NAALADL2: variants seen among roughly 807,000 people sequenced by gnomAD.
The protein encoded by NAALADL2 is N-acetylated alpha-linked acidic dipeptidase like 2.
NAALADL2 carries 76 observed loss-of-function variants against 87.2 expected under a neutral mutation model. That is an observed-to-expected ratio of 0.87 (90% CI 0.72 to 1.05). The LOEUF is 1.05. Among genes scored for constraint, NAALADL2 ranks in the 50% least tolerant of loss-of-function variants. The pLI is 0.00. For missense variants in NAALADL2, 1,089 were observed against 945.8 expected (o/e 1.15, Z -1.99); for synonymous variants, 354 against 331.0 (o/e 1.07, Z -0.75).
intron 2 of NAALADL2, among the ~76,000 whole-genome samples, chr3:175,162,861 A>C (rs1733440199): frequency 6.6e-6 from 1 of 152,118 alleles, no homozygotes; most frequent in Non-Finnish European, 1.5e-5. Flanking sequence ...TTTTGAATCA[A>C]ATATTTGTGT....
chr3:174,909,770 A>C (rs755637287), intron 1 of NAALADL2, among the ~76,000 whole-genome samples: 1 of 152,162 alleles, frequency 6.6e-6, no homozygotes, highest in South Asian at 2.1e-4. Flanking sequence ...ATGAGATAGA[A>C]GCTGTAAAAC....
intron 9 of NAALADL2, among the ~76,000 whole-genome samples, chr3:175,481,316 G>T: frequency 6.7e-6 from 1 of 149,176 alleles, no homozygotes; most frequent in African/African-American, 2.5e-5. Context: ...AGATTTCTTT[G>T]TCATTACTAA....
chr3:175,168,851 A>T (rs1387603841), intron 2 of NAALADL2, among the ~76,000 whole-genome samples: 4 of 151,850 alleles, frequency 2.6e-5, no homozygotes, highest in African/African-American at 9.7e-5. Context: ...TCAGACCCAC[A>T]CAAAATCTTT....
At chr3:175,358,419 T>C (rs1341463476) in intron 5 of NAALADL2, among the ~76,000 whole-genome samples, 1 of 152,132 alleles carries the variant, frequency 6.6e-6, no homozygotes, top group Non-Finnish European at 1.5e-5. Flanking sequence ...CATTCTATTT[T>C]TTTATTTTAT....
At chr3:175,442,311 A>ATG (rs1259204102) in intron 5 of NAALADL2, among the ~76,000 whole-genome samples, 3 of 151,796 alleles carry the variant, frequency 2.0e-5, no homozygotes, top group South Asian at 4.2e-4. Flanking sequence ...ATATATATAT[A>ATG]TACTGGTTAC....
At position 175,796,555 on chromosome 3, in the gene NAALADL2, C is replaced by T. The variant is rs188617050; in HGVS notation, c.2190-6450C>T. Among the ~76,000 whole-genome samples, 942 of 152,246 alleles carry T rather than the reference C, an allele frequency of 6.2e-3. 8 individuals are homozygous for T. The highest frequency in any genetic ancestry group is 0.021 in the African/African-American group (884 of 41,538). On this transcript the variant is annotated intron_variant, in intron 13 of 13. Coordinates refer to ENST00000454872, the MANE Select transcript of NAALADL2 (RefSeq NM_207015.3). ...CATGCACTTTGTGCATTCTCATGGA[C>T]GTAGTATCGAAGTAAAATAATCTCC...
chr3:175,307,788 T>C (rs527918937), intron 4 of NAALADL2, among the ~76,000 whole-genome samples: 1 of 152,206 alleles, frequency 6.6e-6, no homozygotes, highest in East Asian at 1.9e-4. Flanking sequence ...TTTCTGAAAT[T>C]TAGTGTAAAG....
intron 1 of NAALADL2, among the ~76,000 whole-genome samples, chr3:175,002,758 C>A (rs1378395471): frequency 3.3e-5 from 5 of 152,130 alleles, no homozygotes; most frequent in African/African-American, 1.2e-4. Flanking sequence ...GTCTACAATG[C>A]TAAAGAAACA....
chr3:174,901,096 C>A (rs1732248569), intron 1 of NAALADL2, among the ~76,000 whole-genome samples: 1 of 152,082 alleles, frequency 6.6e-6, no homozygotes, highest in Admixed American at 6.6e-5. Flanking sequence ...TTATTTAAAT[C>A]TATGATTCCA....
intron 1 of NAALADL2, among the ~76,000 whole-genome samples, chr3:174,499,170 G>A (rs1718731313): frequency 1.3e-5 from 2 of 151,996 alleles, no homozygotes; most frequent in African/African-American, 4.8e-5. Context: ...TGAGGATCTT[G>A]GAACATGTGC....
chr3:174,444,166 C>G (rs9837154), intron 1 of NAALADL2, among the ~76,000 whole-genome samples: 70,559 of 151,842 alleles, frequency 0.46, 17,975 homozygotes, highest in East Asian at 0.92. Flanking sequence ...GAGGGGAATG[C>G]TGTTCACGAG....
At chr3:175,328,755 G>T (rs928325463) in intron 5 of NAALADL2, among the ~76,000 whole-genome samples, 6 of 152,140 alleles carry the variant, frequency 3.9e-5, no homozygotes, top group East Asian at 1.9e-4. Flanking sequence ...ACCAGTGATA[G>T]GTTGTAGTTG....
chr3:174,441,868 T>G (rs1316172101), intron 1 of NAALADL2, among the ~76,000 whole-genome samples: 1 of 152,140 alleles, frequency 6.6e-6, no homozygotes, highest in East Asian at 1.9e-4. Context: ...CTTTATTTAC[T>G]AGGGCTTGCA....
Position 174,861,145 on chromosome 3 carries a change from T to A in NAALADL2, c.43+1695T>A, listed in dbSNP as rs886077010. On this transcript the variant is annotated intron_variant, in intron 1 of 13. Coordinates refer to ENST00000454872, the MANE Select transcript of NAALADL2 (RefSeq NM_207015.3). ...ACTTTTCAATAAAATATTTATTCTC[T>A]TCTGATCTTATTCATGTTTAAATGT... is the stretch of plus-strand genomic sequence containing the variant. 3.9e-5 allele frequency among the ~76,000 whole-genome samples: 6 copies of A among 152,232 alleles called. No individual in the cohort carries two copies. In the East Asian group the frequency reaches 9.6e-4, roughly 24 times the overall value.
intron 2 of NAALADL2, among the ~76,000 whole-genome samples, chr3:174,697,616 G>A (rs1382088242): frequency 6.6e-6 from 1 of 152,110 alleles, no homozygotes; most frequent in Non-Finnish European, 1.5e-5. Context: ...ACTGAGGCAG[G>A]TATGAGGGAT....
chr3:175,177,335 C>G (rs780659687), intron 2 of NAALADL2, among the ~76,000 whole-genome samples: 2 of 152,028 alleles, frequency 1.3e-5, no homozygotes, highest in Non-Finnish European at 2.9e-5. Context: ...CTATTGCTGT[C>G]GGGCTTTTCA....
chr3:174,775,558 A>G (rs1715104562), intron 3 of NAALADL2, among the ~76,000 whole-genome samples: 1 of 151,958 alleles, frequency 6.6e-6, no homozygotes, highest in Non-Finnish European at 1.5e-5. Flanking sequence ...GAAAAATTGT[A>G]GAAATGCAGT....
At chr3:174,765,418 G>A (rs1403970959) in intron 3 of NAALADL2, among the ~76,000 whole-genome samples, 3 of 152,124 alleles carry the variant, frequency 2.0e-5, no homozygotes, top group Non-Finnish European at 4.4e-5. Flanking sequence ...TAGCATTCTT[G>A]TCTTCTTATC....
intron 2 of NAALADL2, among the ~76,000 whole-genome samples, chr3:174,729,761 A>G (rs1490632196): frequency 6.6e-6 from 1 of 152,036 alleles, no homozygotes; most frequent in African/African-American, 2.4e-5. Flanking sequence ...TTTGAAAAAA[A>G]TTAAAAGAAT....
Sources: gnomAD v4.1 joint callset for allele counts (sites outside exome capture counted in the v4.1 genomes callset) on GRCh38, gnomAD v4.1.1 for gene constraint, MANE v1.5 for transcripts, NCBI Gene and HGNC (gene_info 2026-07-23, HGNC 2026-07-21) for gene names.